Variants in TIAM1 observed in about 807,000 individuals in gnomAD.
The protein encoded by TIAM1 is rho guanine nucleotide exchange factor TIAM1.
In TIAM1, 65 loss-of-function variants were observed where a neutral mutation model predicts 163.5. The observed-to-expected ratio is 0.40, with a 90% confidence interval of 0.33 to 0.49. TIAM1 has a LOEUF of 0.49. Ranked by LOEUF, TIAM1 falls within the 20% of genes least tolerant of loss-of-function variation. The pLI, the probability that TIAM1 is intolerant of heterozygous loss-of-function variation, is 0.77. For synonymous variants in TIAM1, 833 were observed against 810.1 expected (o/e 1.03, Z -0.48); for missense variants, 1,789 against 2,044.7 (o/e 0.87, Z 2.41).
intron 1 of TIAM1, among the ~76,000 whole-genome samples, chr21:31,514,325 T>C (rs1169361543): frequency 6.6e-6 from 1 of 152,036 alleles, no homozygotes; most frequent in Non-Finnish European, 1.5e-5. Context: ...GGTTCTTCCT[T>C]CTAGGGTTCT....
At chr21:31,308,604 C>A (rs527625733) in intron 2 of TIAM1, among the ~76,000 whole-genome samples, 1 of 151,992 alleles carries the variant, frequency 6.6e-6, no homozygotes, top group African/African-American at 2.4e-5. Context: ...ATTGTATGCA[C>A]GCAATAAACG....
chr21:31,371,023 G>A (rs1225350924), intron 2 of TIAM1, among the ~76,000 whole-genome samples: 1 of 152,132 alleles, frequency 6.6e-6, no homozygotes, highest in Non-Finnish European at 1.5e-5. Flanking sequence ...CCAACCTCCA[G>A]GGACAAACTT....
rs561150337 is a variant in TIAM1 at position 31,225,102 on chromosome 21, C to A, written c.1809+624G>T. Among the ~76,000 whole-genome samples the A allele has an allele frequency of 2.3e-3, 349 of 152,152 alleles. 2 individuals carry two copies. The highest frequency in any genetic ancestry group is 7.9e-3 in the African/African-American group (327 of 41,500). On this transcript the variant is annotated intron_variant, in intron 7 of 27. Transcript: ENST00000541036. ...TGGCACAATCTTGGCCCACCGCACC[C>A]TCTGCCTCCCAGGCTCAGGCGATCC...
intron 12 of TIAM1, among the ~76,000 whole-genome samples, chr21:31,198,305 T>C (rs946641780): frequency 6.6e-5 from 10 of 152,164 alleles, no homozygotes; most frequent in African/African-American, 2.4e-4. Context: ...TGAGAAAGCG[T>C]TTGCTATAAT....
intron 2 of TIAM1, among the ~76,000 whole-genome samples, chr21:31,396,566 G>A (rs917073340): frequency 4.7e-5 from 7 of 148,180 alleles, no homozygotes; most frequent in Non-Finnish European, 7.4e-5. Flanking sequence ...AATGTAAAAT[G>A]TTTAAAATTA....
intron 15 of TIAM1, among the ~76,000 whole-genome samples, chr21:31,171,062 A>AAAAAAC (rs1555879081): frequency 2.5e-5 from 3 of 119,318 alleles, no homozygotes; most frequent in African/African-American, 5.8e-5. Context: ...AAAAAAAAAA[A>AAAAAAC]TTGGGGGCCA....
At chr21:31,522,746 G>A (rs759535547) in intron 1 of TIAM1, among the ~76,000 whole-genome samples, 9 of 152,092 alleles carry the variant, frequency 5.9e-5, no homozygotes, top group Non-Finnish European at 1.3e-4. Flanking sequence ...CCTTTATAAA[G>A]TTCTATCCAA....
intron 1 of TIAM1, among the ~76,000 whole-genome samples, chr21:31,512,285 G>C (rs368350708): frequency 7.9e-5 from 12 of 151,608 alleles, no homozygotes; most frequent in African/African-American, 2.4e-4. Context: ...TTTTTGTAGA[G>C]GTGGGGCCTC....
intron 15 of TIAM1, among the ~76,000 whole-genome samples, chr21:31,171,295 G>A (rs996603787): frequency 3.9e-5 from 6 of 152,120 alleles, no homozygotes; most frequent in Admixed American, 2.6e-4. Context: ...AGAAGACAGC[G>A]TTTATTACTT....
intron 6 of TIAM1, among the ~76,000 whole-genome samples, chr21:31,236,763 G>A (rs2088791313): frequency 6.6e-6 from 1 of 152,142 alleles, no homozygotes; most frequent in African/African-American, 2.4e-5. Context: ...TGACTCTAGA[G>A]GAAACAAGGA....
At chr21:31,167,602 C>A (rs760079153) in intron 15 of TIAM1, among the ~76,000 whole-genome samples, 2 of 152,134 alleles carry the variant, frequency 1.3e-5, no homozygotes, top group Non-Finnish European at 2.9e-5. Context: ...ATCCATCAAT[C>A]CCCAAGCCCT....
At chr21:31,389,301 C>T (rs2076930576) in intron 2 of TIAM1, among the ~76,000 whole-genome samples, 3 of 152,124 alleles carry the variant, frequency 2.0e-5, no homozygotes, top group South Asian at 2.1e-4. Context: ...CTGCAACCTC[C>T]GCCTCCCGGG....
intron 2 of TIAM1, among the ~76,000 whole-genome samples, chr21:31,373,532 C>T (rs1317976954): frequency 2.0e-5 from 3 of 152,108 alleles, no homozygotes; most frequent in African/African-American, 4.8e-5. Flanking sequence ...ATTTATAAGC[C>T]AAACCATATC....
At chr21:31,453,576 C>T (rs566902496) in intron 2 of TIAM1, among the ~76,000 whole-genome samples, 11 of 151,900 alleles carry the variant, frequency 7.2e-5, no homozygotes, top group Admixed American at 2.0e-4. Context: ...GCCTGTAGTC[C>T]CAGCTACTCG....
intron 1 of TIAM1, among the ~76,000 whole-genome samples, chr21:31,531,727 G>C (rs938024859): frequency 1.1e-4 from 16 of 146,722 alleles, no homozygotes; most frequent in African/African-American, 4.0e-4. Context: ...CCACTAAACT[G>C]AATATCCATT....
chr21:31,552,119 G>A (rs143373191), intron 1 of TIAM1, among the ~76,000 whole-genome samples: 3,374 of 136,088 alleles, frequency 0.025, 149 homozygotes, highest in African/African-American at 0.09. Flanking sequence ...GTGCAGTGGC[G>A]TGATCTCGGC....
At chr21:31,254,240 C>G (rs1021658393) in intron 4 of TIAM1, among the ~76,000 whole-genome samples, 12 of 152,218 alleles carry the variant, frequency 7.9e-5, no homozygotes, top group Non-Finnish European at 1.3e-4. Flanking sequence ...AGGGACTTGG[C>G]AAAGCTATCT....
intron 2 of TIAM1, among the ~76,000 whole-genome samples, chr21:31,292,299 A>C (rs2074052742): frequency 6.6e-6 from 1 of 151,374 alleles, no homozygotes; most frequent in Non-Finnish European, 1.5e-5. Flanking sequence ...AGGTCCCTGA[A>C]GTATCTTCTA....
At chr21:31,508,637 G>C (rs867147506) in intron 1 of TIAM1, among the ~76,000 whole-genome samples, 1 of 152,010 alleles carries the variant, frequency 6.6e-6, no homozygotes. Context: ...TGATCTGCCC[G>C]CCTCTGCTTC....
Sources: allele counts gnomAD v4.1 joint callset (sites outside exome capture counted in the v4.1 genomes callset), GRCh38; gene constraint gnomAD v4.1.1; transcripts MANE v1.5; gene names NCBI Gene and HGNC (gene_info 2026-07-23, HGNC 2026-07-21).